Variants in XRCC4 observed in about 807,000 individuals in gnomAD.
XRCC4 encodes the protein X-ray repair cross complementing 4.
XRCC4 carries 28 observed loss-of-function variants against 39.1 expected under a neutral mutation model. The observed-to-expected ratio is 0.72, with a 90% CI of 0.53 to 0.98. The LOEUF is 0.98. Among genes scored for constraint, XRCC4 ranks in the 50% least tolerant of loss-of-function variants. XRCC4 has a pLI of 0.00. For synonymous variants in XRCC4, 123 were observed against 126.4 expected, an observed-to-expected ratio of 0.97 and a Z score of 0.18; for missense variants, 350 against 376.4, an observed-to-expected ratio of 0.93 and a Z score of 0.58.
intron 3 of XRCC4, among the ~76,000 whole-genome samples, chr5:83,145,397 A>G (rs958657551): frequency 6.6e-6 from 1 of 152,196 alleles, no homozygotes; most frequent in African/African-American, 2.4e-5. Flanking sequence ...TCTTAGACTC[A>G]TCTGAGGAGT....
At chr5:83,083,633 C>A (rs959968948) in intron 1 of XRCC4, among the ~76,000 whole-genome samples, 1 of 152,118 alleles carries the variant, frequency 6.6e-6, no homozygotes, top group African/African-American at 2.4e-5. Flanking sequence ...GCCTCAGCCT[C>A]CCAAAGTGCT....
chr5:83,154,599 C>T (rs1388082990), intron 3 of XRCC4, among the ~76,000 whole-genome samples: 1 of 152,182 alleles, frequency 6.6e-6, no homozygotes, highest in Admixed American at 6.5e-5. Context: ...TGTTCTTTCC[C>T]TGAGTCTTTC....
intron 4 of XRCC4, chr5:83,202,063 A>AAC (rs1751226812): frequency 2.0e-5 from 3 of 150,304 alleles, no homozygotes; most frequent in Non-Finnish European, 3.0e-5. Context: ...AAAACAAAAA[A>AAC]CCTGCCATAT....
At position 83,204,810 on chromosome 5, in the gene XRCC4, T is replaced by C. The variant is rs1467165682; in HGVS notation, c.639-5T>C. On this transcript the variant is annotated splice_polypyrimidine_tract_variant and splice_region_variant and intron_variant, in intron 5 of 7. Coordinates refer to ENST00000396027, the MANE Select transcript of XRCC4 (RefSeq NM_003401.5). ...ATTTATAATTCTACCTTTCTCTGTT[T>C]CTAGGGAAACTGCAATCTGTTCTGA... The C allele has an allele frequency of 3.1e-6, 5 of 1,605,046 alleles. No homozygotes were observed. The African/African-American group carries it at 6.7e-5, about 21-fold the overall frequency.
At chr5:83,115,190 G>A (rs113489203) in intron 3 of XRCC4, among the ~76,000 whole-genome samples, 4,141 of 152,246 alleles carry the variant, frequency 0.027, 153 homozygotes, top group African/African-American at 0.084. Flanking sequence ...CACTTTGGGA[G>A]GCTGAGATGG....
chr5:83,134,561 A>G (rs1363750135), intron 3 of XRCC4, among the ~76,000 whole-genome samples: 6 of 152,146 alleles, frequency 3.9e-5, no homozygotes, highest in Admixed American at 6.5e-5. Context: ...TCTCTGTAAA[A>G]TGGACCAATC....
chr5:83,345,987 C>T (rs1039385730), intron 7 of XRCC4, among the ~76,000 whole-genome samples: 2 of 151,858 alleles, frequency 1.3e-5, no homozygotes, highest in African/African-American at 4.8e-5. Flanking sequence ...TGTTTTAACA[C>T]AGTATGAAAT....
intron 3 of XRCC4, among the ~76,000 whole-genome samples, chr5:83,137,970 G>C (rs1425879631): frequency 1.3e-5 from 2 of 152,112 alleles, no homozygotes; most frequent in Non-Finnish European, 2.9e-5. Flanking sequence ...TAGTATCTAG[G>C]CCTGACTCTT....
chr5:83,146,592 C>A (rs1748464563), intron 3 of XRCC4, among the ~76,000 whole-genome samples: 1 of 152,140 alleles, frequency 6.6e-6, no homozygotes, highest in African/African-American at 2.4e-5. Context: ...TGGTGAAATT[C>A]TGTGAGAGCA....
intron 7 of XRCC4, among the ~76,000 whole-genome samples, chr5:83,286,787 C>G (rs1754748749): frequency 6.6e-6 from 1 of 151,920 alleles, no homozygotes; most frequent in South Asian, 2.1e-4. Flanking sequence ...CACAAAGTAC[C>G]TGAGAAGATT....
At chr5:83,363,542 T>C in the XRCC4 span, among the ~76,000 whole-genome samples, 2 of 152,264 alleles carry the variant, frequency 1.3e-5, no homozygotes, top group Admixed American at 1.3e-4. Context: ...GCCGATGCTA[T>C]TCCCAGCCTG....
chr5:83,331,986 C>G (rs1231080354), intron 7 of XRCC4, among the ~76,000 whole-genome samples: 1 of 151,970 alleles, frequency 6.6e-6, no homozygotes, highest in South Asian at 2.1e-4. Flanking sequence ...TACTAATAAA[C>G]CTGGGACTGA....
chr5:83,193,016 A>G (rs1750783288), intron 3 of XRCC4, among the ~76,000 whole-genome samples: 1 of 152,234 alleles, frequency 6.6e-6, no homozygotes, highest in African/African-American at 2.4e-5. Context: ...TGGCGTTAAA[A>G]TGATACTTAA....
At chr5:83,189,278 G>GT (rs776588518) in intron 3 of XRCC4, among the ~76,000 whole-genome samples, 134 of 152,052 alleles carry the variant, frequency 8.8e-4, no homozygotes, top group Non-Finnish European at 1.6e-3. Flanking sequence ...CTTTTGTGGA[G>GT]TTTTTTTCTT....
intron 3 of XRCC4, among the ~76,000 whole-genome samples, chr5:83,156,199 G>C (rs1748952071): frequency 1.3e-5 from 2 of 151,780 alleles, no homozygotes; most frequent in Admixed American, 1.3e-4. Flanking sequence ...AGGAAATGTT[G>C]CTTGTGGTTA....
intron 6 of XRCC4, among the ~76,000 whole-genome samples, chr5:83,244,442 C>T (rs1304678953): frequency 1.3e-5 from 2 of 152,182 alleles, no homozygotes; most frequent in African/African-American, 2.4e-5. Context: ...AGTTCTACAT[C>T]TCTTACTATA....
chr5:83,256,836 A>G (rs28360224), intron 6 of XRCC4, among the ~76,000 whole-genome samples: 34 of 152,280 alleles, frequency 2.2e-4, no homozygotes, highest in African/African-American at 7.7e-4. Flanking sequence ...ATGACAAAAT[A>G]TAAGAATAAA....
At chr5:83,203,930 A>G (rs1751317044) in intron 5 of XRCC4, among the ~76,000 whole-genome samples, 2 of 152,140 alleles carry the variant, frequency 1.3e-5, no homozygotes, top group South Asian at 4.1e-4. Context: ...TAAATTAAAA[A>G]ACTGACATGA....
intron 7 of XRCC4, among the ~76,000 whole-genome samples, chr5:83,279,313 T>C (rs1754455187): frequency 6.6e-6 from 1 of 151,680 alleles, no homozygotes; most frequent in Non-Finnish European, 1.5e-5. Context: ...GAAATGTAGC[T>C]TAGCTCTGGA....
Sources: allele counts gnomAD v4.1 joint callset (sites outside exome capture counted in the v4.1 genomes callset), GRCh38; gene constraint gnomAD v4.1.1; transcripts MANE v1.5; gene names NCBI Gene and HGNC (gene_info 2026-07-23, HGNC 2026-07-21).